Variants in MYO15A observed in about 807,000 individuals in gnomAD.
MYO15A encodes unconventional myosin-XV.
Under a neutral mutation model 394.6 loss-of-function variants are expected in MYO15A, and 308 were observed. The observed-to-expected ratio is 0.78, with a 90% CI of 0.71 to 0.86. MYO15A has a LOEUF of 0.86. MYO15A is among the 40% of genes least tolerant of loss of function. The pLI, the probability that MYO15A is intolerant of heterozygous loss-of-function variation, is 0.00. For missense variants in MYO15A, 4,606 were observed against 4,799.1 expected (o/e 0.96, Z 1.19); for synonymous variants, 1,957 against 2,003.8 (o/e 0.98, Z 0.62).
At position 18,159,967 on chromosome 17, in the gene MYO15A, A is replaced by G; in HGVS notation, c.9336A>G (p.Glu3112=). ...LCGDHEVMRD[E]CYCQVVKQIT... is the part of the protein sequence containing the mutation. The stretch of plus-strand genomic sequence containing the variant: ...GGGACCATGAGGTCATGCGGGATGA[A>G]TGTTACTGCCAAGTTGTGAAGCAGA... Residue 3112 remains glutamate, a synonymous_variant, in exon 56 of 66, where the codon GAA becomes GAG. Coordinates refer to ENST00000647165, the MANE Select transcript of MYO15A (RefSeq NM_016239.4). The G allele has an allele frequency of 1.9e-6, 3 of 1,614,040 alleles. No individual in the cohort carries two copies. The highest frequency in any genetic ancestry group is 2.5e-6 in the Non-Finnish European group (3 of 1,180,016).
At chr17:18,154,233 G>A in intron 44 of MYO15A, 43 bp downstream of exon 44, 1 of 1,608,120 alleles carries the variant, frequency 6.2e-7, no homozygotes, top group Non-Finnish European at 8.5e-7. Flanking sequence ...AACTCAGCAG[G>A]GCTGTGTGGA....
At chr17:18,151,599 T>C (rs1597804163) in intron 40 of MYO15A, 72 bp downstream of exon 40, 1 of 1,600,610 alleles carries the variant, frequency 6.2e-7, no homozygotes, top group Non-Finnish European at 8.6e-7. Context: ...GCCCACCAGC[T>C]TACTGGGTTG....
intron 23 of MYO15A, 50 bp downstream of exon 23, chr17:18,141,820 T>C: frequency 6.4e-7 from 1 of 1,569,328 alleles, no homozygotes; most frequent in Non-Finnish European, 8.8e-7. Context: ...TTTGGGGGGG[T>C]CCACAACTAC....
In MYO15A at chr17:18,167,712, C is replaced by T. The variant is rs371446908; in HGVS notation, c.10071C>T (p.Tyr3357=). ...AGCATCGCGCCAAGGACCACTTCTA[C>T]CTGCCGAGCGTGTGAGCATCTGCCC... ...SLQHRAKDHF[Y]LPSVREVQEY... is the part of the protein sequence containing the mutation. The change falls in exon 62 of 66, where the codon TAC becomes TAT. Residue 3357 remains tyrosine (Y), a synonymous_variant. Transcript: ENST00000647165. 99 of 1,603,286 alleles carry T rather than the reference C, an allele frequency of 6.2e-5. No individual in the cohort carries two copies. The highest frequency in any genetic ancestry group is 7.6e-5 in the Non-Finnish European group (90 of 1,179,968).
Position 18,148,434 on chromosome 17 carries a change from G to T in MYO15A, c.6692-62G>T, listed in dbSNP as rs1045762129. ...AAGCCTGAAAGGAAGAAGCAAGCAG[G>T]GAGGCACAGCCAAACTGGACTCAGA... On this transcript the variant is annotated intron_variant, in intron 31 of 65. Coordinates refer to ENST00000647165, the MANE Select transcript of MYO15A (RefSeq NM_016239.4). The surrounding 1 kb of genome is among the most constrained non-coding windows in gnomAD (Gnocchi z 4.8). 3.2e-6 allele frequency: 5 copies of T among 1,538,942 alleles called. No homozygotes were observed. The South Asian group carries it at 6.0e-5, about 18-fold the overall frequency.
chr17:18,120,451 G>A lies in MYO15A; in HGVS notation c.1651G>A (p.Ala551Thr), dbSNP rs747175448. The A allele has an allele frequency of 7.0e-6, 11 of 1,577,344 alleles. No homozygotes were observed. The East Asian group carries it at 2.3e-4, about 33-fold the overall frequency. ...NLQRALSAFG[A>T]HRGLGFGPEF... ...CCAGCGCGCGCTGTCGGCCTTCGGC[G>A]CCCACCGGGGCCTGGGCTTCGGCCC... is the stretch of plus-strand genomic sequence containing the variant. The change falls in exon 2 of 66, where the codon GCC (alanine) becomes ACC (threonine). Residue 551 changes from alanine (A) to threonine (T), a missense_variant. Ala to Thr is a moderately conservative substitution (Grantham distance 58, BLOSUM62 0). Transcript: ENST00000647165.
At chr17:18,174,976 A>C (rs866113658) in intron 65 of MYO15A, among the ~76,000 whole-genome samples, 2 of 149,042 alleles carry the variant, frequency 1.3e-5, no homozygotes, top group Middle Eastern at 7.1e-3. Context: ...GTCCTAATGC[A>C]CTCCTCACCA....
In MYO15A at chr17:18,172,232, C is replaced by G. The variant is rs1233375594; in HGVS notation, c.10292C>G (p.Ala3431Gly). The G allele has an allele frequency of 6.2e-7, 1 of 1,614,228 alleles. No homozygotes were observed. The highest frequency in any genetic ancestry group is 1.3e-5 in the African/African-American group (1 of 75,064). Residue 3431 changes from alanine (A) to glycine (G), a missense_variant, in exon 64 of 66, where the codon GCC becomes GGC. Ala to Gly is a moderately conservative substitution (Grantham distance 60, BLOSUM62 0). Around this residue, in one of 2 missense-constraint regions of MYO15A, gnomAD observed 2,776 missense variants for 3,109.3 expected, o/e 0.89. Coordinates refer to ENST00000647165, the MANE Select transcript of MYO15A (RefSeq NM_016239.4). ...AGCTGCAGCAACATTGCTGTGCCAG[C>G]CCCTTGCATCCTTGCCATCAACCAC... ...IQSCSNIAVP[A>G]PCILAINHNG...
At chr17:18,125,099 G>A in intron 3 of MYO15A, 69 bp from the exon 4 acceptor site, 3 of 1,445,156 alleles carry the variant, frequency 2.1e-6, no homozygotes, top group Non-Finnish European at 2.9e-6. Context: ...ACTGCACTGA[G>A]TTGGGGAGGG....
At chr17:18,135,655 A>G (rs2046252389) in intron 12 of MYO15A, 56 bp from the exon 13 acceptor site, 3 of 1,546,838 alleles carry the variant, frequency 1.9e-6, no homozygotes, top group East Asian at 4.6e-5. Flanking sequence ...TTTTCATATG[A>G]ACTTTAAATT....
At chr17:18,165,406 C>T (rs776657265) in intron 60 of MYO15A, among the ~76,000 whole-genome samples, 2 of 152,198 alleles carry the variant, frequency 1.3e-5, no homozygotes, top group Non-Finnish European at 2.9e-5. Flanking sequence ...AGAGGCTGCC[C>T]GCATTCCTTG....
rs1475385287 is a variant in MYO15A at position 18,148,189 on chromosome 17, C to T, written c.6670C>T (p.Leu2224=). ...TATYEKASMA[L]DVGCFNGDQF... ...GACCTATGAGAAGGCCAGCATGGCGCTGGACGTGGGCTGCTTCAATGGTAA... is the reference window on the plus strand; with the variant it reads ...GACCTATGAGAAGGCCAGCATGGCGTTGGACGTGGGCTGCTTCAATGGTAA... The change falls in exon 31 of 66, where the codon CTG becomes TTG. Residue 2224 remains leucine, a synonymous_variant. Transcript: ENST00000647165. The surrounding 1 kb of genome is among the most constrained non-coding windows in gnomAD (Gnocchi z 4.8). 1 of 1,613,756 alleles carries T rather than the reference C, an allele frequency of 6.2e-7. No homozygotes were observed. Among genetic ancestry groups the T allele is most frequent in the Non-Finnish European group, 8.5e-7 (1 of 1,180,042 alleles).
In MYO15A at chr17:18,167,694, C is replaced by T. The variant is rs1378063893; in HGVS notation, c.10053C>T (p.Arg3351=). The T allele has an allele frequency of 1.7e-5, 28 of 1,603,868 alleles. No homozygotes were observed. Among genetic ancestry groups the T allele is most frequent in the Middle Eastern group, 1.6e-4 (1 of 6,084 alleles). The change falls in exon 62 of 66, where the codon CGC becomes CGT. Residue 3351 remains arginine (R), a synonymous_variant. Coordinates refer to ENST00000647165, the MANE Select transcript of MYO15A (RefSeq NM_016239.4). ...QVSKLASLQH[R]AKDHFYLPSV... ...CCAAGCTGGCTTCACTGCAGCATCG[C>T]GCCAAGGACCACTTCTACCTGCCGA...
rs773985638 is a variant in MYO15A at position 18,149,203 on chromosome 17, C to A, written c.6957-13C>A. The A allele has an allele frequency of 3.1e-6, 5 of 1,613,880 alleles. No homozygotes were observed. In the Admixed American group the frequency reaches 8.3e-5, roughly 27 times the overall value. On this transcript the variant is annotated splice_polypyrimidine_tract_variant and intron_variant, in intron 33 of 65. Transcript: ENST00000647165. ...TCTGGGGGTCAGTAGCTCCATGTTCCTTTTCTCCACAGGGTGTTTGGGAAC... is the reference window on the plus strand; with the variant it reads ...TCTGGGGGTCAGTAGCTCCATGTTCATTTTCTCCACAGGGTGTTTGGGAAC...
Position 18,150,315 on chromosome 17 carries a change from A to T in MYO15A, c.7213-114A>T. On this transcript the variant is annotated intron_variant, in intron 35 of 65. Transcript: ENST00000647165. This position sits in a 1 kb window ranked among gnomAD's most constrained non-coding sequence, Gnocchi z 4.4. ...ATACAGCAGACACTGAGCCAGTGGG[A>T]GGCTGCCCCCTCCCACGAGAGGGTG... The T allele has an allele frequency of 1.1e-6, 1 of 906,172 alleles. No individual in the cohort carries two copies. Among genetic ancestry groups the T allele is most frequent in the Non-Finnish European group, 1.8e-6 (1 of 553,284 alleles). 56.1% of individuals were successfully genotyped at this position (906,172 alleles called of 1,614,324 possible). A position where few individuals can be genotyped will look rare whatever the true frequency, so the allele number is the denominator to read the frequency against.
At position 18,158,161 on chromosome 17, in the gene MYO15A, G is replaced by C. The variant is rs2046713827; in HGVS notation, c.8967+261G>C. The C allele has an allele frequency of 6.6e-6, 4 of 603,200 alleles. No homozygotes were observed. The East Asian group carries it at 1.1e-4, about 17-fold the overall frequency. 37.4% of individuals were successfully genotyped at this position (603,200 alleles called of 1,614,324 possible). On this transcript the variant is annotated intron_variant, in intron 51 of 65. Coordinates refer to ENST00000647165, the MANE Select transcript of MYO15A (RefSeq NM_016239.4). Reference sequence around the variant, plus strand: ...CAGCTGGTTGTAATCAGGACAATGGGGTCAGACCAGCCGGGGCCCGCCAGT... The same window carrying C: ...CAGCTGGTTGTAATCAGGACAATGGCGTCAGACCAGCCGGGGCCCGCCAGT...
chr17:18,173,902 T>A lies in MYO15A; in HGVS notation c.10472T>A (p.Leu3491Ter), dbSNP rs1166292643. The part of the protein sequence containing the change: ...ALGDVAAQRT[L>*]QLQLEQGLEL... ...GGGGACGTGGCGGCCCAGCGCACCT[T>A]GCAGCTGCAGCTGGAGCAGGTGGGC... The change falls in exon 65 of 66, where the codon TTG becomes TAG. Residue 3491 changes from leucine to a stop codon, truncating the protein, a stop_gained. Transcript: ENST00000647165. LOFTEE classifies it high-confidence loss of function. 5.6e-6 allele frequency: 9 copies of A among 1,613,262 alleles called. No homozygotes were observed. The highest frequency in any genetic ancestry group is 7.6e-6 in the Non-Finnish European group (9 of 1,179,928).
chr17:18,161,150 C>T, intron 56 of MYO15A, 167 bp from the exon 57 acceptor site: 1 of 1,102,322 alleles, frequency 9.1e-7, no homozygotes, highest in Non-Finnish European at 1.3e-6. Flanking sequence ...CCAATCCTGA[C>T]TTCCCAAGCA....
chr17:18,143,427 G>C (rs1349004947), intron 25 of MYO15A, 139 bp from the exon 26 acceptor site: 1 of 945,552 alleles, frequency 1.1e-6, no homozygotes, highest in Non-Finnish European at 1.7e-6. Context: ...CTGTGGAGTG[G>C]GGCAGTCACC....
Sources: gnomAD v4.1 joint callset for allele counts (sites outside exome capture counted in the v4.1 genomes callset) on GRCh38, gnomAD v4.1.1 for gene constraint, gnomAD v4.1.1 regional missense constraint, Gnocchi (gnomAD v3.1) non-coding constraint, MANE v1.5 for transcripts, NCBI Gene and HGNC (gene_info 2026-07-23, HGNC 2026-07-21) for gene names.